The following ARHGAP42 variants were observed in gnomAD, a reference collection of about 807,000 sequenced individuals.
The protein encoded by ARHGAP42 is rho GTPase-activating protein 42.
In ARHGAP42, 63 loss-of-function variants were observed where a neutral mutation model predicts 125.0. The ratio of observed to expected loss-of-function variants is 0.50; its 90% CI spans 0.41 to 0.62. ARHGAP42 has a LOEUF of 0.62. Among genes scored for constraint, ARHGAP42 ranks in the 20% least tolerant of loss-of-function variants. The pLI, the probability that ARHGAP42 is intolerant of heterozygous loss-of-function variation, is 0.00. For synonymous variants in ARHGAP42, 339 were observed against 351.0 expected (o/e 0.97, Z 0.38); for missense variants, 766 against 1,024.2 (o/e 0.75, Z 3.44).
At chr11:100,731,246 C>T (rs1861951762) in intron 1 of ARHGAP42, among the ~76,000 whole-genome samples, 1 of 151,974 alleles carries the variant, frequency 6.6e-6, no homozygotes, top group Non-Finnish European at 1.5e-5. Context: ...GCAACCTCTG[C>T]CTCCCGGGTT....
intron 3 of ARHGAP42, among the ~76,000 whole-genome samples, chr11:100,854,059 A>T (rs905957711): frequency 2.0e-5 from 3 of 152,146 alleles, no homozygotes; most frequent in African/African-American, 7.2e-5. Context: ...AGATAAGGAC[A>T]TATTATCATC....
At chr11:100,783,758 C>T (rs1032982821) in intron 2 of ARHGAP42, among the ~76,000 whole-genome samples, 2 of 152,158 alleles carry the variant, frequency 1.3e-5, no homozygotes, top group Non-Finnish European at 2.9e-5. Context: ...AAGAAAACAG[C>T]TTTCAAATCA....
At position 100,687,655 on chromosome 11, in the gene ARHGAP42, GCC is replaced by G; in HGVS notation, c.-23_-22del. 7.0e-7 allele frequency: 1 copy of G among 1,426,168 alleles called. No individual in the cohort carries two copies. The highest frequency in any genetic ancestry group is 9.3e-7 in the Non-Finnish European group (1 of 1,078,758). 88.3% of individuals were successfully genotyped at this position (1,426,168 alleles called of 1,614,324 possible). On this transcript the variant is annotated 5_prime_UTR_variant, in exon 1 of 24. Coordinates refer to ENST00000298815, the MANE Select transcript of ARHGAP42 (RefSeq NM_152432.4). ...GACCTCCGGCCCGGACGTGTCCGCG[GCC>G]GCCGCTGGCAGCGCCTGTGCCATGG...
intron 22 of ARHGAP42, among the ~76,000 whole-genome samples, chr11:100,982,067 A>G (rs1167765785): frequency 1.3e-5 from 2 of 152,210 alleles, no homozygotes; most frequent in African/African-American, 2.4e-5. Flanking sequence ...GTGAAGGTGA[A>G]GGTACCTAGC....
At chr11:100,948,829 T>C (rs1266269795) in intron 11 of ARHGAP42, among the ~76,000 whole-genome samples, 1 of 152,078 alleles carries the variant, frequency 6.6e-6, no homozygotes, top group Non-Finnish European at 1.5e-5. Flanking sequence ...GTTAGCTTAT[T>C]CAGTTAATAA....
intron 4 of ARHGAP42, among the ~76,000 whole-genome samples, chr11:100,903,114 T>TGCAC (rs1555021047): frequency 3.1e-5 from 1 of 31,910 alleles, no homozygotes; most frequent in South Asian, 1.4e-3. Flanking sequence ...CTGTCCAAGA[T>TGCAC]GCGCACACAC....
intron 13 of ARHGAP42, among the ~76,000 whole-genome samples, chr11:100,960,259 G>T: frequency 6.6e-6 from 1 of 150,580 alleles, no homozygotes. Context: ...CATTAAGGAG[G>T]TAAGATTCTT....
At chr11:100,833,179 AT>A (rs1864702002) in intron 3 of ARHGAP42, among the ~76,000 whole-genome samples, 1 of 152,212 alleles carries the variant, frequency 6.6e-6, no homozygotes, top group Non-Finnish European at 1.5e-5. Context: ...CAGAATGGAA[AT>A]TGAGGTTTGT....
intron 3 of ARHGAP42, 63 bp downstream of exon 3, chr11:100,795,229 G>A: frequency 7.9e-7 from 1 of 1,272,088 alleles, no homozygotes; most frequent in South Asian, 1.6e-5. Flanking sequence ...GAGAAAGAAT[G>A]GACTTCCTGA....
intron 8 of ARHGAP42, 79 bp from the exon 9 acceptor site, chr11:100,941,705 A>C: frequency 1.3e-6 from 1 of 786,020 alleles, no homozygotes; most frequent in Non-Finnish European, 2.0e-6. Context: ...GTTGTATATC[A>C]TAGCACTGGA....
intron 3 of ARHGAP42, among the ~76,000 whole-genome samples, chr11:100,808,980 C>A (rs1864073266): frequency 6.6e-6 from 1 of 152,098 alleles, no homozygotes; most frequent in Non-Finnish European, 1.5e-5. Flanking sequence ...TACTCATTTG[C>A]AAGTCAAACA....
intron 4 of ARHGAP42, among the ~76,000 whole-genome samples, chr11:100,891,863 T>A (rs1246999762): frequency 3.9e-5 from 6 of 152,126 alleles, no homozygotes; most frequent in Non-Finnish European, 8.8e-5. Flanking sequence ...GGGCACTTGA[T>A]CTAATGTGGA....
At chr11:100,831,890 A>G (rs1864670998) in intron 3 of ARHGAP42, among the ~76,000 whole-genome samples, 1 of 152,232 alleles carries the variant, frequency 6.6e-6, no homozygotes, top group South Asian at 2.1e-4. Flanking sequence ...TAACGGGGCA[A>G]GGTGAGGGAC....
chr11:100,889,590 G>A (rs1866172279), intron 4 of ARHGAP42, among the ~76,000 whole-genome samples: 1 of 152,120 alleles, frequency 6.6e-6, no homozygotes, highest in Non-Finnish European at 1.5e-5. Context: ...CTAAGACAAC[G>A]AGGTTAAATG....
At chr11:100,820,752 A>G (rs1864385501) in intron 3 of ARHGAP42, among the ~76,000 whole-genome samples, 1 of 152,150 alleles carries the variant, frequency 6.6e-6, no homozygotes, top group African/African-American at 2.4e-5. Context: ...TTCAGTAACT[A>G]TAGAGGCTTA....
intron 2 of ARHGAP42, among the ~76,000 whole-genome samples, chr11:100,786,612 A>G (rs1374270345): frequency 2.0e-5 from 3 of 152,264 alleles, no homozygotes; most frequent in South Asian, 2.1e-4. Context: ...AGGTATTACT[A>G]AGTTGTTTTA....
intron 3 of ARHGAP42, among the ~76,000 whole-genome samples, chr11:100,798,695 T>G (rs1344193960): frequency 6.8e-6 from 1 of 148,022 alleles, no homozygotes; most frequent in Non-Finnish European, 1.5e-5. Flanking sequence ...ACTTTATATA[T>G]TTTATTTATA....
chr11:100,932,159 C>T (rs1440854012), intron 6 of ARHGAP42, among the ~76,000 whole-genome samples: 1 of 152,168 alleles, frequency 6.6e-6, no homozygotes, highest in Non-Finnish European at 1.5e-5. Context: ...GAAATCATAG[C>T]ACATGTAACC....
In ARHGAP42 at chr11:100,976,861, T is replaced by C. The variant is rs1197903778; in HGVS notation, c.2283T>C (p.Gly761=). The C allele has an allele frequency of 6.4e-6, 10 of 1,551,392 alleles. No individual in the cohort carries two copies. The highest frequency in any genetic ancestry group is 7.8e-6 in the Non-Finnish European group (9 of 1,146,854). ...SGSIQSLTSV[G]SKETPKASPN... is the part of the protein sequence containing the mutation. Reference sequence around the variant, plus strand: ...CTATTCAAAGCTTAACTTCTGTAGGTTCCAAGGAGACACCCAAAGCTTCAC... The same window carrying C: ...CTATTCAAAGCTTAACTTCTGTAGGCTCCAAGGAGACACCCAAAGCTTCAC... The change falls in exon 21 of 24, where the codon GGT becomes GGC. Residue 761 remains glycine (G), a synonymous_variant. Transcript: ENST00000298815.
Sources: gnomAD v4.1 joint callset for allele counts (sites outside exome capture counted in the v4.1 genomes callset) on GRCh38, gnomAD v4.1.1 for gene constraint, MANE v1.5 for transcripts, NCBI Gene and HGNC (gene_info 2026-07-23, HGNC 2026-07-21) for gene names.